Variants in KCNIP4 observed in about 807,000 individuals in gnomAD.
The protein encoded by KCNIP4 is Kv channel-interacting protein 4.
In KCNIP4, 12 loss-of-function variants were observed where a neutral mutation model predicts 34.0. That is an observed-to-expected ratio of 0.35 (90% CI 0.23 to 0.57). The LOEUF (loss-of-function observed/expected upper bound fraction) is 0.57. KCNIP4 is among the 20% of genes least tolerant of loss of function. KCNIP4 has a pLI of 0.83. For synonymous variants in KCNIP4, 124 were observed against 102.2 expected, an observed-to-expected ratio of 1.21 and a Z score of -1.29; for missense variants, 238 against 311.7, an observed-to-expected ratio of 0.76 and a Z score of 1.78.
chr4:21,108,391 G>T (rs187520302), intron 1 of KCNIP4, among the ~76,000 whole-genome samples: 42,155 of 150,380 alleles, frequency 0.28, 6,723 homozygotes, highest in African/African-American at 0.41. Context: ...TGATCGCATC[G>T]GCTCCTGAGG....
intron 1 of KCNIP4, among the ~76,000 whole-genome samples, chr4:21,881,759 G>A (rs914022385): frequency 6.6e-6 from 1 of 152,144 alleles, no homozygotes; most frequent in Non-Finnish European, 1.5e-5. Flanking sequence ...ATTGCAAGTA[G>A]TCCATTGTTA....
intron 3 of KCNIP4, among the ~76,000 whole-genome samples, chr4:20,845,249 C>T (rs1035023625): frequency 6.6e-6 from 1 of 152,138 alleles, no homozygotes; most frequent in African/African-American, 2.4e-5. Context: ...TCTGGGACAA[C>T]AGGAAAACCA....
chr4:21,678,504 A>C (rs1750091297), intron 1 of KCNIP4, among the ~76,000 whole-genome samples: 1 of 152,140 alleles, frequency 6.6e-6, no homozygotes, highest in Admixed American at 6.5e-5. Context: ...ACATGTGCTT[A>C]GGTCCTCACC....
At chr4:21,220,632 A>G (rs1757923601) in intron 1 of KCNIP4, among the ~76,000 whole-genome samples, 1 of 152,112 alleles carries the variant, frequency 6.6e-6, no homozygotes, top group African/African-American at 2.4e-5. Context: ...GTTCAAAACT[A>G]AACCTTTTTT....
At position 21,618,704 on chromosome 4, in the gene KCNIP4, C is replaced by T. The variant is rs557385981; in HGVS notation, c.61+329867G>A. On this transcript the variant is annotated intron_variant, in intron 1 of 8. Coordinates refer to ENST00000382152, the MANE Select transcript of KCNIP4 (RefSeq NM_025221.6). Reference sequence around the variant, plus strand: ...CTGGAGTGCAGTGGCGTGATCTTGGCTCACTGCAAGCTCCGCCTCCCGGGT... The same window carrying T: ...CTGGAGTGCAGTGGCGTGATCTTGGTTCACTGCAAGCTCCGCCTCCCGGGT... 4.3e-5 allele frequency among the ~76,000 whole-genome samples: 6 copies of T among 137,942 alleles called. No individual in the cohort carries two copies. The South Asian group carries it at 1.1e-3, about 26-fold the overall frequency. 90.5% of individuals were successfully genotyped at this position (137,942 alleles called of 152,430 possible).
chr4:21,543,883 G>A (rs1456596517), intron 1 of KCNIP4, among the ~76,000 whole-genome samples: 2 of 151,960 alleles, frequency 1.3e-5, no homozygotes, highest in South Asian at 2.1e-4. Flanking sequence ...CATTGTCTAC[G>A]ATGGAATGTT....
At chr4:21,682,442 C>A (rs1170226255) in intron 1 of KCNIP4, among the ~76,000 whole-genome samples, 1 of 152,088 alleles carries the variant, frequency 6.6e-6, no homozygotes. Context: ...TGATCTTTTA[C>A]CCGGACCACT....
chr4:20,957,608 G>A (rs1376348570), intron 1 of KCNIP4, among the ~76,000 whole-genome samples: 3 of 151,788 alleles, frequency 2.0e-5, no homozygotes, highest in African/African-American at 7.3e-5. Flanking sequence ...ATATGACTTG[G>A]AACGAGCTGT....
At chr4:21,106,301 C>A (rs1452158944) in intron 1 of KCNIP4, among the ~76,000 whole-genome samples, 1 of 151,634 alleles carries the variant, frequency 6.6e-6, no homozygotes, top group Non-Finnish European at 1.5e-5. Flanking sequence ...AGAGATTCAG[C>A]CTCTTCCTCG....
At chr4:20,857,179 A>G (rs1156379262) in intron 2 of KCNIP4, among the ~76,000 whole-genome samples, 1 of 152,196 alleles carries the variant, frequency 6.6e-6, no homozygotes, top group Non-Finnish European at 1.5e-5. Context: ...GACAGGCTCT[A>G]AAAACATAAC....
intron 1 of KCNIP4, among the ~76,000 whole-genome samples, chr4:20,930,126 T>C (rs921397223): frequency 6.6e-6 from 1 of 151,982 alleles, no homozygotes; most frequent in Non-Finnish European, 1.5e-5. Flanking sequence ...GTTAAAATTA[T>C]ATTGCAAAGC....
chr4:21,874,451 G>C (rs899116932), intron 1 of KCNIP4, among the ~76,000 whole-genome samples: 2 of 152,158 alleles, frequency 1.3e-5, no homozygotes, highest in Admixed American at 1.3e-4. Context: ...GATGGAGACA[G>C]ACATTAGAAT....
At chr4:20,945,999 G>A (rs967895638) in intron 1 of KCNIP4, among the ~76,000 whole-genome samples, 1 of 152,124 alleles carries the variant, frequency 6.6e-6, no homozygotes, top group African/African-American at 2.4e-5. Context: ...TAAACGTAAG[G>A]AGAAGGCTGC....
rs547746332 is a variant in KCNIP4 at position 20,796,596 on chromosome 4, T to G, written c.289-37706A>C. 2.5e-5 allele frequency among the ~76,000 whole-genome samples: 3 copies of G among 119,986 alleles called. No individual in the cohort carries two copies. In the East Asian group the frequency reaches 8.4e-4, roughly 34 times the overall value. 78.7% of individuals were successfully genotyped at this position (119,986 alleles called of 152,430 possible). A position where few individuals can be genotyped will look rare whatever the true frequency, so the allele number is the denominator to read the frequency against. ...ATGCCTTTAAAAGCAGACAAAGCAT[T>G]TTTATTGCTTTTTTTTTTTTTTTTA... On this transcript the variant is annotated intron_variant, in intron 3 of 8. Coordinates refer to ENST00000382152, the MANE Select transcript of KCNIP4 (RefSeq NM_025221.6).
At chr4:21,149,457 G>A (rs1171587017) in intron 1 of KCNIP4, among the ~76,000 whole-genome samples, 4 of 152,146 alleles carry the variant, frequency 2.6e-5, no homozygotes, top group South Asian at 2.1e-4. Context: ...GGTCTCAAGT[G>A]AAAAAGCTTC....
chr4:20,901,367 C>A (rs1023449938), intron 1 of KCNIP4, among the ~76,000 whole-genome samples: 12 of 152,180 alleles, frequency 7.9e-5, no homozygotes, highest in South Asian at 2.1e-4. Context: ...CAGCCTCACC[C>A]GGTAGCTTGT....
At chr4:21,552,702 C>T (rs990179975) in intron 1 of KCNIP4, among the ~76,000 whole-genome samples, 3 of 152,048 alleles carry the variant, frequency 2.0e-5, no homozygotes, top group African/African-American at 7.2e-5. Context: ...CACAGCAAAG[C>T]ATATTTTTTT....
At chr4:21,770,942 T>C (rs897782308) in intron 1 of KCNIP4, among the ~76,000 whole-genome samples, 1 of 152,324 alleles carries the variant, frequency 6.6e-6, no homozygotes, top group Non-Finnish European at 1.5e-5. Flanking sequence ...AGCTCTTTAG[T>C]TTAATTAGAT....
chr4:21,512,861 A>G (rs1320092169), intron 1 of KCNIP4, among the ~76,000 whole-genome samples: 2 of 152,256 alleles, frequency 1.3e-5, no homozygotes, highest in Non-Finnish European at 2.9e-5. Context: ...AAGAATGTCC[A>G]GTTAATTGCA....
Sources: gnomAD v4.1 joint callset for allele counts (sites outside exome capture counted in the v4.1 genomes callset) on GRCh38, gnomAD v4.1.1 for gene constraint, MANE v1.5 for transcripts, NCBI Gene and HGNC (gene_info 2026-07-23, HGNC 2026-07-21) for gene names.